The following RB1CC1 variants were observed in gnomAD, a reference collection of about 807,000 sequenced individuals.
The protein encoded by RB1CC1 is RB1 inducible coiled-coil 1, also known as RB1-inducible coiled-coil protein 1.
RB1CC1 carries 46 observed loss-of-function variants against 177.5 expected under a neutral mutation model. The observed-to-expected ratio is 0.26, with a 90% CI of 0.20 to 0.33. RB1CC1 has a LOEUF of 0.33. RB1CC1 is among the 10% of genes least tolerant of loss of function. The pLI is 1.00. For missense variants in RB1CC1, 1,703 were observed against 1,816.3 expected, an observed-to-expected ratio of 0.94 and a Z score of 1.13; for synonymous variants, 666 against 613.6, an observed-to-expected ratio of 1.09 and a Z score of -1.26.
At position 52,656,278 on chromosome 8, in the gene RB1CC1, T is replaced by A. The variant is rs750846447; in HGVS notation, c.3551A>T (p.Asp1184Val). Residue 1184 changes from aspartate to valine, a missense_variant, in exon 15 of 24, where the codon GAT becomes GTT. Physicochemically the swap from Asp to Val is radical, Grantham distance 152. Transcript: ENST00000025008. ...TCTTTCAAGAGCACTCAATTCTGAA[T>A]CCAATTTACTCTGCAGTTCAATTAT... is the stretch of plus-strand genomic sequence containing the variant. ...EQIIELQSKL[D>V]SELSALERQK... The A allele has an allele frequency of 6.2e-7, 1 of 1,613,432 alleles. No homozygotes were observed. Among genetic ancestry groups the A allele is most frequent in the Admixed American group, 1.7e-5 (1 of 59,996 alleles).
rs1171365609 is a variant in RB1CC1 at position 52,692,962 on chromosome 8, A to C, written c.-166-5995T>G. ...GATTTCCTTGTGTCCATAAATGAAAAGGTGATCTTCACCTACAACCACCTG... is the reference window on the plus strand; with the variant it reads ...GATTTCCTTGTGTCCATAAATGAAACGGTGATCTTCACCTACAACCACCTG... On this transcript the variant is annotated intron_variant, in intron 1 of 23. Transcript: ENST00000025008. 2.6e-5 allele frequency among the ~76,000 whole-genome samples: 4 copies of C among 152,152 alleles called. No homozygotes were observed. The South Asian group carries it at 6.2e-4, about 24-fold the overall frequency.
At chr8:52,665,316 C>T (rs370332948) in intron 8 of RB1CC1, among the ~76,000 whole-genome samples, 4 of 152,182 alleles carry the variant, frequency 2.6e-5, no homozygotes, top group Admixed American at 6.5e-5. Context: ...ACATGGCAAA[C>T]GCTGAAAACA....
At chr8:52,655,939 A>T in intron 15 of RB1CC1, 69 bp downstream of exon 15, 1 of 1,212,642 alleles carries the variant, frequency 8.2e-7, no homozygotes, top group Non-Finnish European at 1.1e-6. Context: ...AAATCAAGGT[A>T]CTGTGATTAC....
intron 18 of RB1CC1, 42 bp from the exon 19 acceptor site, chr8:52,636,111 CT>C: frequency 1.9e-6 from 3 of 1,564,962 alleles, no homozygotes; most frequent in Non-Finnish European, 2.6e-6. Flanking sequence ...AAATTCTAAA[CT>C]TTACATTCTT....
At chr8:52,709,292 T>C (rs1028119163) in intron 1 of RB1CC1, among the ~76,000 whole-genome samples, 7 of 152,288 alleles carry the variant, frequency 4.6e-5, no homozygotes, top group South Asian at 2.1e-4. Flanking sequence ...CCCATATATA[T>C]CCATATTTGA....
At chr8:52,648,549 C>G (rs1256903860) in intron 15 of RB1CC1, among the ~76,000 whole-genome samples, 1 of 152,232 alleles carries the variant, frequency 6.6e-6, no homozygotes, top group African/African-American at 2.4e-5. Context: ...AAGGTTACAG[C>G]GTATCACAGT....
chr8:52,654,770 C>T (rs964336013), intron 15 of RB1CC1, among the ~76,000 whole-genome samples: 1 of 152,118 alleles, frequency 6.6e-6, no homozygotes, highest in African/African-American at 2.4e-5. Flanking sequence ...AAATTATCGT[C>T]CCCACCCTTG....
chr8:52,667,205 ATT>A (rs995847938), intron 8 of RB1CC1, among the ~76,000 whole-genome samples: 4 of 152,196 alleles, frequency 2.6e-5, no homozygotes, highest in Non-Finnish European at 5.9e-5. Flanking sequence ...AAACAACAAA[ATT>A]GAACTTATCA....
At chr8:52,694,222 G>A (rs1456247159) in intron 1 of RB1CC1, among the ~76,000 whole-genome samples, 1 of 152,192 alleles carries the variant, frequency 6.6e-6, no homozygotes. Flanking sequence ...AGGACAGTGA[G>A]GAGTATAATC....
intron 15 of RB1CC1, among the ~76,000 whole-genome samples, chr8:52,647,870 A>T (rs1217721392): frequency 1.3e-5 from 2 of 152,172 alleles, no homozygotes; most frequent in African/African-American, 2.4e-5. Context: ...TTAGTAAGAA[A>T]TGTGGCACAG....
intron 1 of RB1CC1, among the ~76,000 whole-genome samples, chr8:52,699,804 C>CAAAAAAAA (rs1172604874): frequency 8.8e-4 from 34 of 38,528 alleles, no homozygotes; most frequent in Non-Finnish European, 1.1e-3. Context: ...ATCTCCGTCT[C>CAAAAAAAA]AAAAAAAAAA....
intron 18 of RB1CC1, among the ~76,000 whole-genome samples, chr8:52,639,180 A>C (rs1173939440): frequency 6.6e-6 from 1 of 152,144 alleles, no homozygotes; most frequent in Non-Finnish European, 1.5e-5. Context: ...TATCTTAATA[A>C]TACTCCATTT....
intron 1 of RB1CC1, among the ~76,000 whole-genome samples, chr8:52,690,826 G>C (rs1174115095): frequency 1.3e-5 from 2 of 152,142 alleles, no homozygotes; most frequent in Admixed American, 1.3e-4. Context: ...ACTTGTGTCA[G>C]TGCACACTCC....
intron 1 of RB1CC1, among the ~76,000 whole-genome samples, chr8:52,696,232 CAG>C (rs912016249): frequency 2.0e-5 from 3 of 151,934 alleles, no homozygotes; most frequent in Admixed American, 6.6e-5. Flanking sequence ...TTCAGAGAGA[CAG>C]AGTTTCTCCA....
At chr8:52,669,973 A>C (rs1852414383) in intron 7 of RB1CC1, among the ~76,000 whole-genome samples, 1 of 152,214 alleles carries the variant, frequency 6.6e-6, no homozygotes, top group Non-Finnish European at 1.5e-5. Flanking sequence ...TTTATTTTTG[A>C]GCCACGTTCT....
intron 1 of RB1CC1, among the ~76,000 whole-genome samples, chr8:52,687,589 GC>G (rs1854385451): frequency 6.6e-6 from 1 of 152,132 alleles, no homozygotes. Flanking sequence ...ATATAGAGAG[GC>G]CCACCTGATA....
At chr8:52,649,637 A>G (rs1850391999) in intron 15 of RB1CC1, among the ~76,000 whole-genome samples, 1 of 152,200 alleles carries the variant, frequency 6.6e-6, no homozygotes, top group African/African-American at 2.4e-5. Flanking sequence ...CTCCGTCTCA[A>G]AAAAATAATA....
chr8:52,663,824 T>C (rs1851832658), intron 8 of RB1CC1, among the ~76,000 whole-genome samples: 1 of 152,142 alleles, frequency 6.6e-6, no homozygotes, highest in African/African-American at 2.4e-5. Context: ...TTTTATTAAG[T>C]ATTGATGTGT....
intron 6 of RB1CC1, among the ~76,000 whole-genome samples, chr8:52,675,714 C>CAAAAAAAAAA (rs1306544323): frequency 1.7e-3 from 105 of 60,604 alleles, no homozygotes; most frequent in Non-Finnish European, 2.3e-3. Context: ...ACTAAAAATC[C>CAAAAAAAAAA]AAAAAAAAAA....
Sources: allele counts gnomAD v4.1 joint callset (sites outside exome capture counted in the v4.1 genomes callset), GRCh38; gene constraint gnomAD v4.1.1; transcripts MANE v1.5; gene names NCBI Gene and HGNC (gene_info 2026-07-23, HGNC 2026-07-21).